RBFOX1: variants seen among roughly 807,000 people sequenced by gnomAD.
RBFOX1 encodes the protein RNA binding protein fox-1 homolog 1.
In RBFOX1, 8 loss-of-function variants were observed where a neutral mutation model predicts 57.7. That is an observed-to-expected ratio of 0.14 (90% CI 0.08 to 0.25). The LOEUF is 0.25. RBFOX1 is among the 10% of genes least tolerant of loss of function. RBFOX1 has a pLI of 1.00. For synonymous variants in RBFOX1, 326 were observed against 222.4 expected (o/e 1.47, Z -4.15); for missense variants, 611 against 548.5 (o/e 1.11, Z -1.14).
intron 3 of RBFOX1, among the ~76,000 whole-genome samples, chr16:6,952,579 A>G (rs2080985640): frequency 6.6e-6 from 1 of 152,062 alleles, no homozygotes; most frequent in Non-Finnish European, 1.5e-5. Context: ...TCAAGGCTGC[A>G]GTGAGCCATG....
chr16:6,101,890 T>A (rs529268456), intron 1 of RBFOX1, among the ~76,000 whole-genome samples: 66 of 152,268 alleles, frequency 4.3e-4, no homozygotes, highest in Non-Finnish European at 7.4e-4. Context: ...GATTGTCCGT[T>A]CCTGGGAGGT....
intron 2 of RBFOX1, among the ~76,000 whole-genome samples, chr16:6,366,005 G>A (rs17139969): frequency 0.091 from 13,663 of 150,508 alleles, 2,069 homozygotes; most frequent in African/African-American, 0.31. Flanking sequence ...ATACATTTTA[G>A]AAATAGAAGC....
intron 3 of RBFOX1, among the ~76,000 whole-genome samples, chr16:6,896,386 C>G (rs913468872): frequency 6.6e-6 from 1 of 152,188 alleles, no homozygotes; most frequent in Non-Finnish European, 1.5e-5. Flanking sequence ...CTTTTTCTTT[C>G]TTTTTTTCTT....
At chr16:5,522,939 C>T (rs2044077954) in intron 2 of RBFOX1, among the ~76,000 whole-genome samples, 1 of 152,086 alleles carries the variant, frequency 6.6e-6, no homozygotes, top group Non-Finnish European at 1.5e-5. Flanking sequence ...ATTCATCCAT[C>T]CATTGATGGA....
intron 3 of RBFOX1, among the ~76,000 whole-genome samples, chr16:6,957,176 G>A (rs1434970993): frequency 6.8e-6 from 1 of 147,246 alleles, no homozygotes; most frequent in Non-Finnish European, 1.5e-5. Flanking sequence ...CTGTCACCCA[G>A]GCTGCAGTGC....
chr16:7,429,029 G>A lies in RBFOX1; in HGVS notation c.28-89118G>A, dbSNP rs573702922. The stretch of plus-strand genomic sequence containing the variant: ...GTTGTCCTTGATTCTACTGTGAGAC[G>A]TCCACACTGGTGGAAAGGTGACCTG... On this transcript the variant is annotated intron_variant, in intron 4 of 15. Coordinates refer to ENST00000550418, the MANE Select transcript of RBFOX1 (RefSeq NM_018723.4). 3.9e-5 allele frequency among the ~76,000 whole-genome samples: 6 copies of A among 152,264 alleles called. No homozygotes were observed. The East Asian group carries it at 7.7e-4, about 20-fold the overall frequency.
intron 2 of RBFOX1, among the ~76,000 whole-genome samples, chr16:5,472,181 CTG>C (rs554224459): frequency 3.1e-4 from 47 of 152,272 alleles, no homozygotes; most frequent in African/African-American, 1.1e-3. Context: ...ATAATAACCT[CTG>C]TGGTTGGCAG....
chr16:5,289,991 G>A (rs548234443), intron 1 of RBFOX1, among the ~76,000 whole-genome samples: 3 of 152,218 alleles, frequency 2.0e-5, no homozygotes, highest in African/African-American at 7.2e-5. Flanking sequence ...CTACTGATGA[G>A]TGGAGAGATG....
chr16:5,804,695 GCCTTTCAGCAAGTTGGT>G (rs1259928164), intron 3 of RBFOX1, among the ~76,000 whole-genome samples: 1 of 152,106 alleles, frequency 6.6e-6, no homozygotes, highest in Non-Finnish European at 1.5e-5. Flanking sequence ...AATTACGGTG[GCCTTTCAGCAAGTTGGT>G]CCTGGACACC....
intron 4 of RBFOX1, among the ~76,000 whole-genome samples, chr16:5,876,594 T>A (rs1464408784): frequency 6.6e-6 from 1 of 152,212 alleles, no homozygotes; most frequent in Admixed American, 6.5e-5. Flanking sequence ...TAAACCAGCC[T>A]CGTTGACTGC....
chr16:7,197,809 A>G (rs1284193249), intron 4 of RBFOX1, among the ~76,000 whole-genome samples: 4 of 152,116 alleles, frequency 2.6e-5, no homozygotes, highest in African/African-American at 9.7e-5. Context: ...AAGGGAAGGA[A>G]CCAGACACAA....
At chr16:5,754,031 A>G (rs1044700782) in intron 3 of RBFOX1, among the ~76,000 whole-genome samples, 9 of 152,292 alleles carry the variant, frequency 5.9e-5, no homozygotes, top group Admixed American at 1.3e-4. Flanking sequence ...TCAAATGTCA[A>G]TGTGTATGTT....
intron 4 of RBFOX1, among the ~76,000 whole-genome samples, chr16:7,366,152 T>A (rs2097441693): frequency 6.6e-6 from 1 of 152,120 alleles, no homozygotes; most frequent in South Asian, 2.1e-4. Context: ...AAACAGTGTA[T>A]TGAGGCCTTT....
At chr16:5,967,422 G>C (rs1030882508) in intron 4 of RBFOX1, among the ~76,000 whole-genome samples, 2 of 151,966 alleles carry the variant, frequency 1.3e-5, no homozygotes, top group African/African-American at 4.8e-5. Flanking sequence ...TCTTAACCCG[G>C]TATTGGAATC....
chr16:7,361,075 G>A (rs1007429795), intron 4 of RBFOX1, among the ~76,000 whole-genome samples: 1 of 152,172 alleles, frequency 6.6e-6, no homozygotes. Flanking sequence ...TCTGCCTGCT[G>A]GGGGTTTCTT....
intron 2 of RBFOX1, among the ~76,000 whole-genome samples, chr16:5,517,675 T>C (rs1219285310): frequency 6.6e-6 from 1 of 152,154 alleles, no homozygotes; most frequent in Non-Finnish European, 1.5e-5. Flanking sequence ...ACAAACTCAT[T>C]AAGGGAATGA....
intron 4 of RBFOX1, among the ~76,000 whole-genome samples, chr16:7,408,443 T>A (rs891798578): frequency 1.3e-5 from 2 of 152,234 alleles, no homozygotes; most frequent in African/African-American, 2.4e-5. Flanking sequence ...ACAGTGCATC[T>A]CTGAAAATAT....
chr16:5,369,251 C>T (rs900241117), intron 1 of RBFOX1, among the ~76,000 whole-genome samples: 4 of 152,214 alleles, frequency 2.6e-5, no homozygotes, highest in Non-Finnish European at 4.4e-5. Flanking sequence ...ATCCACCCAC[C>T]TTGGTCTCCC....
chr16:7,137,005 C>T (rs1391286616), intron 4 of RBFOX1, among the ~76,000 whole-genome samples: 1 of 152,194 alleles, frequency 6.6e-6, no homozygotes, highest in Non-Finnish European at 1.5e-5. Context: ...ACTTTTATTT[C>T]AGTCTTTTGT....
Sources: allele counts gnomAD v4.1 joint callset (sites outside exome capture counted in the v4.1 genomes callset), GRCh38; gene constraint gnomAD v4.1.1; transcripts MANE v1.5; gene names NCBI Gene and HGNC (gene_info 2026-07-23, HGNC 2026-07-21).